Variants in VDAC1 observed in about 807,000 individuals in gnomAD.
VDAC1 encodes non-selective voltage-gated ion channel VDAC1.
VDAC1 carries 10 observed loss-of-function variants against 34.7 expected under a neutral mutation model. The observed-to-expected ratio is 0.29, with a 90% CI of 0.18 to 0.49. The LOEUF is 0.49. Among genes scored for constraint, VDAC1 ranks in the 20% least tolerant of loss-of-function variants. The probability of loss-of-function intolerance (pLI) is 0.99; values close to 1 mark genes in which losing one functional copy is unlikely to be tolerated. For synonymous variants in VDAC1, 130 were observed against 136.0 expected, an observed-to-expected ratio of 0.96 and a Z score of 0.30; for missense variants, 230 against 347.9, an observed-to-expected ratio of 0.66 and a Z score of 2.69.
chr5:134,007,222 CA>C (rs1225594888), upstream of VDAC1, among the ~76,000 whole-genome samples: 4 of 143,848 alleles, frequency 2.8e-5, no homozygotes, highest in Admixed American at 2.8e-4. Context: ...CCAGTCTGGG[CA>C]ACAAGAGCGA....
intron 1 of VDAC1, among the ~76,000 whole-genome samples, chr5:134,003,503 T>G (rs1002663451): frequency 1.3e-5 from 2 of 152,210 alleles, no homozygotes; most frequent in Non-Finnish European, 2.9e-5. Flanking sequence ...CTTACAAGAT[T>G]TTTCATAAAT....
chr5:134,051,415 T>G, the VDAC1 span, among the ~76,000 whole-genome samples: 1 of 152,240 alleles, frequency 6.6e-6, no homozygotes, highest in Admixed American at 6.5e-5. Flanking sequence ...AACAAAAGAC[T>G]GCTACAGAGT....
intron 1 of VDAC1, among the ~76,000 whole-genome samples, chr5:133,996,013 C>A (rs1191155059): frequency 6.6e-6 from 1 of 152,126 alleles, no homozygotes; most frequent in Non-Finnish European, 1.5e-5. Context: ...GCAGCATCCA[C>A]CCCCCAGGGG....
At chr5:134,065,850 G>C in the VDAC1 span, among the ~76,000 whole-genome samples, 1 of 131,954 alleles carries the variant, frequency 7.6e-6, no homozygotes, top group Non-Finnish European at 1.6e-5. Context: ...CTGGAGTGCA[G>C]TGGTGCCATC....
chr5:134,040,657 G>A, the VDAC1 span, among the ~76,000 whole-genome samples: 1 of 152,240 alleles, frequency 6.6e-6, no homozygotes, highest in Non-Finnish European at 1.5e-5. Context: ...AATCAAGGAG[G>A]TGGAGGTTGC....
chr5:134,090,679 C>A, the VDAC1 span, among the ~76,000 whole-genome samples: 1 of 152,238 alleles, frequency 6.6e-6, no homozygotes, highest in Non-Finnish European at 1.5e-5. Flanking sequence ...CCCCCAGCCC[C>A]ACCCCCTGCC....
the VDAC1 span, among the ~76,000 whole-genome samples, chr5:134,086,697 C>T: frequency 6.6e-6 from 1 of 152,100 alleles, no homozygotes; most frequent in African/African-American, 2.4e-5. Flanking sequence ...CTTCCTTCCC[C>T]TTCCCCTTCC....
the VDAC1 span, among the ~76,000 whole-genome samples, chr5:134,088,297 G>C: frequency 6.6e-6 from 1 of 152,212 alleles, no homozygotes; most frequent in Non-Finnish European, 1.5e-5. Context: ...CCCAGTGCTG[G>C]ACTAGGCACA....
chr5:134,100,457 G>A, the VDAC1 span, among the ~76,000 whole-genome samples: 5 of 152,158 alleles, frequency 3.3e-5, no homozygotes, highest in South Asian at 8.3e-4. Flanking sequence ...CCACAACCGC[G>A]GCACCCCGTG....
the VDAC1 span, among the ~76,000 whole-genome samples, chr5:134,068,994 G>GTGTGTGTA: frequency 6.6e-6 from 1 of 151,496 alleles, no homozygotes; most frequent in Non-Finnish European, 1.5e-5. Flanking sequence ...GTGTGTGTGT[G>GTGTGTGTA]TGTGTGTGTG....
chr5:133,973,930 C>A (rs1343823615), intron 7 of VDAC1, 82 bp from the exon 8 acceptor site: 4 of 1,373,494 alleles, frequency 2.9e-6, no homozygotes, highest in African/African-American at 1.5e-5. Flanking sequence ...GCTTTTTAGT[C>A]AACCAACCTT....
chr5:133,997,973 A>G (rs961605450), intron 1 of VDAC1, among the ~76,000 whole-genome samples: 1 of 151,880 alleles, frequency 6.6e-6, no homozygotes, highest in Non-Finnish European at 1.5e-5. Flanking sequence ...AGGCTGGGGC[A>G]GAAGAATTGC....
the VDAC1 span, among the ~76,000 whole-genome samples, chr5:134,020,692 T>G: frequency 6.7e-6 from 1 of 148,902 alleles, no homozygotes; most frequent in Admixed American, 6.7e-5. Flanking sequence ...TTGTTTGTTT[T>G]TTGAGGTGGA....
At chr5:134,028,991 G>A in the VDAC1 span, among the ~76,000 whole-genome samples, 1 of 152,196 alleles carries the variant, frequency 6.6e-6, no homozygotes, top group Non-Finnish European at 1.5e-5. Context: ...AGCCCTGGAA[G>A]AGGCCCATGT....
chr5:134,100,518 GGACCCA>G, the VDAC1 span, among the ~76,000 whole-genome samples: 1 of 152,166 alleles, frequency 6.6e-6, no homozygotes, highest in Non-Finnish European at 1.5e-5. Flanking sequence ...CTGCAGCCTG[GGACCCA>G]GCCTGCAGCC....
intron 7 of VDAC1, among the ~76,000 whole-genome samples, chr5:133,975,585 C>T (rs1752446026): frequency 6.6e-6 from 1 of 151,788 alleles, no homozygotes; most frequent in Non-Finnish European, 1.5e-5. Flanking sequence ...CTCAGCCTCT[C>T]GAGTAGCTGG....
At chr5:134,105,156 C>T in the VDAC1 span, among the ~76,000 whole-genome samples, 1 of 152,210 alleles carries the variant, frequency 6.6e-6, no homozygotes, top group Non-Finnish European at 1.5e-5. Context: ...GCCCCACCTC[C>T]ACCAGAAGCT....
At chr5:134,105,747 G>A in the VDAC1 span, among the ~76,000 whole-genome samples, 3 of 152,256 alleles carry the variant, frequency 2.0e-5, no homozygotes, top group African/African-American at 7.2e-5. Flanking sequence ...CCTTGCTCCT[G>A]GAGGCCATCT....
At chr5:134,099,271 C>T in the VDAC1 span, among the ~76,000 whole-genome samples, 12 of 152,176 alleles carry the variant, frequency 7.9e-5, no homozygotes, top group Non-Finnish European at 1.5e-5. Flanking sequence ...GAGGGTGGCT[C>T]CGGCTTACCC....
Sources: allele counts gnomAD v4.1 joint callset (sites outside exome capture counted in the v4.1 genomes callset), GRCh38; gene constraint gnomAD v4.1.1; transcripts MANE v1.5; gene names NCBI Gene and HGNC (gene_info 2026-07-23, HGNC 2026-07-21).